MYO16: variants seen among roughly 807,000 people sequenced by gnomAD.
The protein encoded by MYO16 is unconventional myosin-XVI.
A neutral mutation model predicts 205.3 loss-of-function variants in MYO16; 94 were observed. The ratio of observed to expected loss-of-function variants is 0.46; its 90% CI spans 0.39 to 0.54. The LOEUF (loss-of-function observed/expected upper bound fraction) is 0.54, where lower values mean the gene tolerates loss of function less well. MYO16 is among the 20% of genes least tolerant of loss of function. The pLI is 0.00. For synonymous variants in MYO16, 988 were observed against 954.0 expected (o/e 1.04, Z -0.66); for missense variants, 2,315 against 2,387.5 (o/e 0.97, Z 0.63).
intron 21 of MYO16, among the ~76,000 whole-genome samples, chr13:109,005,439 G>A (rs1380621287): frequency 1.3e-5 from 2 of 152,054 alleles, no homozygotes; most frequent in Non-Finnish European, 2.9e-5. Flanking sequence ...CTATTTGAAT[G>A]TCAATATGTG....
chr13:108,604,858 G>C (rs1304106050), intron 1 of MYO16, among the ~76,000 whole-genome samples: 1 of 152,172 alleles, frequency 6.6e-6, no homozygotes, highest in Non-Finnish European at 1.5e-5. Flanking sequence ...CCTCTGCACA[G>C]TTCATGGTAA....
At chr13:108,886,526 G>GGTGC (rs1879896533) in intron 13 of MYO16, 1 of 455,532 alleles carries the variant, frequency 2.2e-6, no homozygotes, top group Admixed American at 2.4e-5. Context: ...CCTGAAGCAG[G>GGTGC]GTGCCTGGTG....
intron 23 of MYO16, among the ~76,000 whole-genome samples, chr13:109,042,914 A>T (rs901235101): frequency 9.8e-5 from 15 of 152,336 alleles, no homozygotes; most frequent in African/African-American, 3.6e-4. Context: ...CCATCAGCAA[A>T]TGTTTGTCGT....
rs1879887948 is a variant in MYO16 at position 108,629,715 on chromosome 13, A to G, written c.-130A>G. 1 of 772,900 alleles carries G rather than the reference A, an allele frequency of 1.3e-6. No individual in the cohort carries two copies. The highest frequency in any genetic ancestry group is 2.8e-5 in the East Asian group (1 of 36,346). The allele number at this position is 772,900 out of a possible 1,614,324, so 47.9% of individuals were successfully genotyped here. A position where few individuals can be genotyped will look rare whatever the true frequency, so the allele number is the denominator to read the frequency against. On this transcript the variant is annotated 5_prime_UTR_variant, in exon 1 of 35. The change abolishes an upstream ATG in the 5' untranslated region. Transcript: ENST00000457511. ...TGCAGGATCATGGAACAGAGCCTCC[A>G]TGCAATAGTGCATCCTGAGGTAAAC...
At chr13:108,981,513 G>A (rs913248702) in intron 20 of MYO16, among the ~76,000 whole-genome samples, 3 of 152,206 alleles carry the variant, frequency 2.0e-5, no homozygotes, top group Admixed American at 1.3e-4. Flanking sequence ...CTGCAATGAT[G>A]GTGTGCCAAT....
At chr13:108,721,705 A>G (rs1884170440) in intron 3 of MYO16, among the ~76,000 whole-genome samples, 1 of 152,218 alleles carries the variant, frequency 6.6e-6, no homozygotes, top group African/African-American at 2.4e-5. Context: ...AGAAGAATCA[A>G]TGATAAGCTC....
At chr13:108,850,789 C>T (rs925957033) in intron 10 of MYO16, among the ~76,000 whole-genome samples, 18 of 152,198 alleles carry the variant, frequency 1.2e-4, no homozygotes, top group African/African-American at 4.3e-4. Flanking sequence ...GAACTCTTCC[C>T]TTGATCTGCT....
chr13:108,530,749 T>A, the MYO16 span, among the ~76,000 whole-genome samples: 1 of 152,240 alleles, frequency 6.6e-6, no homozygotes, highest in Non-Finnish European at 1.5e-5. Context: ...GTTATACTTT[T>A]AATTACTATT....
chr13:108,498,812 A>C, the MYO16 span, among the ~76,000 whole-genome samples: 1 of 152,144 alleles, frequency 6.6e-6, no homozygotes, highest in Non-Finnish European at 1.5e-5. Flanking sequence ...ATCTGTCCCA[A>C]AGTTGCTTTT....
intron 4 of MYO16, among the ~76,000 whole-genome samples, chr13:108,736,855 A>G (rs1356139851): frequency 6.6e-6 from 1 of 152,224 alleles, no homozygotes; most frequent in South Asian, 2.1e-4. Flanking sequence ...GAGATCCTTC[A>G]CATCCCTTGT....
chr13:109,032,152 C>T lies in MYO16; in HGVS notation c.2796+12241C>T, dbSNP rs556624213. Among the ~76,000 whole-genome samples, 69 of 152,208 alleles carry T rather than the reference C, an allele frequency of 4.5e-4. 2 individuals are homozygous for T. The highest frequency in any genetic ancestry group is 1.6e-3 in the African/African-American group (67 of 41,534). On this transcript the variant is annotated intron_variant, in intron 23 of 34. Transcript: ENST00000457511. ...TTTGGCTGGCTGCTCCCCCTCGACCCTGGTTTTGGGGTTGATTCCACATAG... is the reference window on the plus strand; with the variant it reads ...TTTGGCTGGCTGCTCCCCCTCGACCTTGGTTTTGGGGTTGATTCCACATAG...
At chr13:108,838,743 T>C (rs1481852662) in intron 9 of MYO16, among the ~76,000 whole-genome samples, 1 of 94,174 alleles carries the variant, frequency 1.1e-5, no homozygotes, top group Non-Finnish European at 1.9e-5. Flanking sequence ...ATATATACAC[T>C]ATATATATAT....
intron 33 of MYO16, among the ~76,000 whole-genome samples, chr13:109,166,196 G>A (rs1469805315): frequency 3.3e-5 from 5 of 152,128 alleles, no homozygotes; most frequent in Non-Finnish European, 5.9e-5. Flanking sequence ...CTTAAAATAA[G>A]TATGTTTACT....
intron 21 of MYO16, among the ~76,000 whole-genome samples, chr13:109,000,098 T>C (rs1885163979): frequency 6.6e-6 from 1 of 152,190 alleles, no homozygotes; most frequent in Admixed American, 6.6e-5. Flanking sequence ...TTAATGCATT[T>C]GAAACCATCT....
At chr13:108,536,904 A>G in the MYO16 span, among the ~76,000 whole-genome samples, 1 of 152,138 alleles carries the variant, frequency 6.6e-6, no homozygotes, top group Admixed American at 6.6e-5. Flanking sequence ...TAAGTCCATC[A>G]TCACAAATAG....
intron 2 of MYO16, among the ~76,000 whole-genome samples, chr13:108,699,465 T>A (rs1379952991): frequency 6.6e-6 from 1 of 152,110 alleles, no homozygotes; most frequent in Non-Finnish European, 1.5e-5. Context: ...ATTTTAAACT[T>A]ACATAACATA....
intron 29 of MYO16, among the ~76,000 whole-genome samples, chr13:109,123,873 T>C (rs1308081496): frequency 2.6e-5 from 4 of 152,202 alleles, no homozygotes; most frequent in African/African-American, 9.6e-5. Flanking sequence ...CACTTAATAT[T>C]TTATAGGCTT....
the MYO16 span, among the ~76,000 whole-genome samples, chr13:108,520,083 C>T: frequency 6.6e-6 from 1 of 152,008 alleles, no homozygotes; most frequent in African/African-American, 2.4e-5. Context: ...AAACATTTAA[C>T]ATTCATTTTC....
intron 4 of MYO16, among the ~76,000 whole-genome samples, chr13:108,751,245 G>A (rs1407219308): frequency 6.6e-6 from 1 of 151,964 alleles, no homozygotes; most frequent in Non-Finnish European, 1.5e-5. Context: ...CTGAATCTAG[G>A]TCTTGCATGA....
Sources: allele counts gnomAD v4.1 joint callset (sites outside exome capture counted in the v4.1 genomes callset), GRCh38; gene constraint gnomAD v4.1.1; transcripts MANE v1.5; gene names NCBI Gene and HGNC (gene_info 2026-07-23, HGNC 2026-07-21).